Variants in NT5M observed in about 807,000 individuals in gnomAD.
NT5M encodes the protein 5'(3')-deoxyribonucleotidase, mitochondrial.
Under a neutral mutation model 22.2 loss-of-function variants are expected in NT5M, and 22 were observed. The observed-to-expected ratio is 0.99, with a 90% CI of 0.71 to 1.41. The LOEUF (loss-of-function observed/expected upper bound fraction) is 1.41. Ranked by LOEUF, NT5M falls within the 40% of genes most tolerant of loss-of-function variation. The pLI, the probability that NT5M is intolerant of heterozygous loss-of-function variation, is 0.00. For missense variants in NT5M, 322 were observed against 314.8 expected (o/e 1.02, Z -0.17); for synonymous variants, 167 against 133.0 (o/e 1.26, Z -1.76).
intron 3 of NT5M, among the ~76,000 whole-genome samples, chr17:17,325,160 A>G (rs928487261): frequency 8.5e-5 from 13 of 152,100 alleles, no homozygotes; most frequent in Non-Finnish European, 4.4e-5. Flanking sequence ...TGGAGTCACT[A>G]TTTCAGCTGG....
At chr17:17,317,962 C>CAAAAAAAA (rs35320589) in intron 2 of NT5M, among the ~76,000 whole-genome samples, 3 of 74,042 alleles carry the variant, frequency 4.1e-5, no homozygotes, top group Non-Finnish European at 7.0e-5. Flanking sequence ...ACTCCATGAT[C>CAAAAAAAA]AAAAAAAAAA....
At chr17:17,311,352 G>A (rs980241706) in intron 2 of NT5M, among the ~76,000 whole-genome samples, 1 of 136,556 alleles carries the variant, frequency 7.3e-6, no homozygotes, top group Non-Finnish European at 1.6e-5. Flanking sequence ...AAAAAAAAAA[G>A]AGTTTTAGTT....
At chr17:17,331,784 T>A (rs1349335999) in intron 3 of NT5M, among the ~76,000 whole-genome samples, 2 of 151,370 alleles carry the variant, frequency 1.3e-5, no homozygotes, top group East Asian at 3.9e-4. Context: ...TTCTTTTTCT[T>A]TTCTTTTTTT....
rs969830926 is a variant in NT5M at position 17,303,558 on chromosome 17, G to T, written c.8G>T (p.Arg3Leu). Reference sequence around the variant, plus strand: ...GGGCCAGCGCGCTGGGCCATGATCCGGCTGGGCGGCTGGTGTGCGCGGCGG... The same window carrying T: ...GGGCCAGCGCGCTGGGCCATGATCCTGCTGGGCGGCTGGTGTGCGCGGCGG... MI[R>L]LGGWCARRLC... The change falls in exon 1 of 5, where the codon CGG becomes CTG. Residue 3 changes from arginine (R) to leucine (L), a missense_variant. By Grantham distance (102) the Arg-to-Leu change is moderately radical. Transcript: ENST00000389022. 8.3e-6 allele frequency: 9 copies of T among 1,089,242 alleles called. No homozygotes were observed. In the Admixed American group the frequency reaches 3.1e-4, roughly 38 times the overall value. The allele number at this position is 1,089,242 out of a possible 1,614,324, so 67.5% of individuals were successfully genotyped here.
At chr17:17,312,796 T>TA (rs1047848284) in intron 2 of NT5M, among the ~76,000 whole-genome samples, 29 of 150,162 alleles carry the variant, frequency 1.9e-4, no homozygotes, top group Non-Finnish European at 3.4e-4. Context: ...CTGTCTCTAC[T>TA]AAAAAAAAAT....
chr17:17,330,835 C>T (rs964264671), intron 3 of NT5M, among the ~76,000 whole-genome samples: 22 of 150,978 alleles, frequency 1.5e-4, no homozygotes, highest in African/African-American at 4.9e-4. Context: ...CTCAGCCTCC[C>T]GGGTTCACGC....
intron 1 of NT5M, among the ~76,000 whole-genome samples, chr17:17,306,313 C>T (rs1265810607): frequency 6.6e-6 from 1 of 152,168 alleles, no homozygotes; most frequent in African/African-American, 2.4e-5. Context: ...ATGGGCCTGA[C>T]ACCTTTGCTG....
intron 1 of NT5M, 126 bp downstream of exon 1, chr17:17,303,943 G>A (rs2048737604): frequency 7.8e-7 from 1 of 1,286,624 alleles, no homozygotes; most frequent in South Asian, 2.3e-5. Flanking sequence ...ATAGAATAGG[G>A]TCTGGGGGGG....
In NT5M at chr17:17,303,375, T is replaced by C; in HGVS notation, c.-176T>C. ...GGGACCGCGCGCGCCGCGGCCTCGC[T>C]CTGGGGCCGGTACTTGCGCGCCCGC... is the stretch of plus-strand genomic sequence containing the variant. On this transcript the variant is annotated 5_prime_UTR_variant, in exon 1 of 5. Coordinates refer to ENST00000389022, the MANE Select transcript of NT5M (RefSeq NM_020201.4). 1.3e-6 allele frequency: 1 copy of C among 751,020 alleles called. No homozygotes were observed. Among genetic ancestry groups the C allele is most frequent in the Non-Finnish European group, 1.6e-6 (1 of 613,972 alleles). The allele number at this position is 751,020 out of a possible 1,614,324, so 46.5% of individuals were successfully genotyped here. A position where few individuals can be genotyped will look rare whatever the true frequency, so the allele number is the denominator to read the frequency against.
At position 17,334,476 on chromosome 17, in the gene NT5M, T is replaced by A. The variant is rs189125029; in HGVS notation, c.430-10318T>A. ...AAATACCACACTGTCTCAGTTACTGTAGTTTTTTTTTTTTTTTTTTTGAGA... is the reference window on the plus strand; with the variant it reads ...AAATACCACACTGTCTCAGTTACTGAAGTTTTTTTTTTTTTTTTTTTGAGA... On this transcript the variant is annotated intron_variant, in intron 3 of 4. Coordinates refer to ENST00000389022, the MANE Select transcript of NT5M (RefSeq NM_020201.4). Among the ~76,000 whole-genome samples, 209 of 142,426 alleles carry A rather than the reference T, an allele frequency of 1.5e-3. 1 individual carries two copies. The highest frequency in any genetic ancestry group is 5.3e-3 in the African/African-American group (202 of 37,946). The allele number at this position is 142,426 out of a possible 152,430, so 93.4% of individuals were successfully genotyped here. A position where few individuals can be genotyped will look rare whatever the true frequency, so the allele number is the denominator to read the frequency against.
chr17:17,333,935 G>A (rs2049441978), intron 3 of NT5M, among the ~76,000 whole-genome samples: 1 of 151,044 alleles, frequency 6.6e-6, no homozygotes, highest in East Asian at 2.0e-4. Flanking sequence ...CCGGGTTCAT[G>A]CCATTCTCCT....
intron 2 of NT5M, among the ~76,000 whole-genome samples, chr17:17,315,977 G>A (rs904539352): frequency 3.0e-4 from 46 of 151,320 alleles, no homozygotes; most frequent in African/African-American, 1.1e-3. Context: ...GAATGGTCTC[G>A]ATCTCCTGAC....
In NT5M at chr17:17,347,098, GC is replaced by G; in HGVS notation, c.*153del. The stretch of plus-strand genomic sequence containing the variant: ...CATGTCCCTTCCCTTCCCCAGCCCT[GC>G]CAGGCCTTAACCTGATCACGGGGCA... On this transcript the variant is annotated 3_prime_UTR_variant, in exon 5 of 5. Coordinates refer to ENST00000389022, the MANE Select transcript of NT5M (RefSeq NM_020201.4). The G allele has an allele frequency of 1.9e-6, 2 of 1,033,180 alleles. No individual in the cohort carries two copies. Among genetic ancestry groups the G allele is most frequent in the Non-Finnish European group, 2.7e-6 (2 of 728,110 alleles). The allele number at this position is 1,033,180 out of a possible 1,614,324, so 64.0% of individuals were successfully genotyped here.
At chr17:17,324,039 T>A (rs950533792) in intron 3 of NT5M, among the ~76,000 whole-genome samples, 2 of 151,694 alleles carry the variant, frequency 1.3e-5, no homozygotes, top group African/African-American at 2.4e-5. Flanking sequence ...ATCCAGGTAA[T>A]TTTTTTTGTA....
Position 17,346,805 on chromosome 17 carries a change from G to A in NT5M, c.545G>A (p.Gly182Glu). ...LLIDDRPDIT[G>E]AEPTPSWEHV... The stretch of plus-strand genomic sequence containing the variant: ...CTGAATGCCGCTTTCCCACCCACAG[G>A]GGCCGAGCCAACCCCCAGCTGGGAG... Residue 182 changes from glycine (G) to glutamate (E), a missense_variant and splice_region_variant, in exon 5 of 5, where the codon GGG becomes GAG. Transcript: ENST00000389022. 6.2e-7 allele frequency: 1 copy of A among 1,606,958 alleles called. No homozygotes were observed. The highest frequency in any genetic ancestry group is 2.2e-5 in the East Asian group (1 of 44,886).
chr17:17,304,995 T>C (rs2048762972), intron 1 of NT5M, among the ~76,000 whole-genome samples: 1 of 152,200 alleles, frequency 6.6e-6, no homozygotes, highest in Admixed American at 6.6e-5. Flanking sequence ...CTACAGCGGA[T>C]GCCTAATGAT....
chr17:17,316,255 A>G (rs2049025173), intron 2 of NT5M, among the ~76,000 whole-genome samples: 1 of 148,986 alleles, frequency 6.7e-6, no homozygotes, highest in Admixed American at 6.7e-5. Flanking sequence ...ACAGGTTTTC[A>G]CCATGTTGGC....
chr17:17,330,297 C>CA (rs549526002), intron 3 of NT5M, among the ~76,000 whole-genome samples: 5,143 of 68,320 alleles, frequency 0.075, 348 homozygotes, highest in African/African-American at 0.21. Context: ...GACTCCGTCT[C>CA]AAAAAAAAAA....
rs535929703 is a variant in NT5M at position 17,328,739 on chromosome 17, A to T, written c.429+5494A>T. On this transcript the variant is annotated intron_variant, in intron 3 of 4. Coordinates refer to ENST00000389022, the MANE Select transcript of NT5M (RefSeq NM_020201.4). ...TTTTCTTTCAAGACCCAGTCAGAGG[A>T]TGGGAACCTGACTGCTGTGAGGTCT... Among the ~76,000 whole-genome samples the T allele has an allele frequency of 3.8e-4, 58 of 152,302 alleles. 1 individual carries two copies. The South Asian group carries it at 4.1e-3, about 11-fold the overall frequency.
Sources: gnomAD v4.1 joint callset for allele counts (sites outside exome capture counted in the v4.1 genomes callset) on GRCh38, gnomAD v4.1.1 for gene constraint, MANE v1.5 for transcripts, NCBI Gene and HGNC (gene_info 2026-07-23, HGNC 2026-07-21) for gene names.